PRRC2C: variants seen among roughly 807,000 people sequenced by gnomAD.
The protein encoded by PRRC2C is protein PRRC2C.
A neutral mutation model predicts 317.2 loss-of-function variants in PRRC2C; 72 were observed. That is an observed-to-expected ratio of 0.23 (90% CI 0.19 to 0.28). The LOEUF (loss-of-function observed/expected upper bound fraction) is 0.28. PRRC2C is among the 10% of genes least tolerant of loss of function. The probability of loss-of-function intolerance (pLI) is 1.00; values close to 1 mark genes in which losing one functional copy is unlikely to be tolerated. For missense variants in PRRC2C, 3,074 were observed against 3,459.7 expected, an observed-to-expected ratio of 0.89 and a Z score of 2.80; for synonymous variants, 1,296 against 1,205.9, an observed-to-expected ratio of 1.07 and a Z score of -1.55.
At chr1:171,490,383 T>G (rs1666902160) in intron 1 of PRRC2C, among the ~76,000 whole-genome samples, 1 of 152,214 alleles carries the variant, frequency 6.6e-6, no homozygotes, top group Non-Finnish European at 1.5e-5. Flanking sequence ...AAATGAATAC[T>G]GGATAGGATC....
chr1:171,541,703 C>G lies in PRRC2C; in HGVS notation c.4237C>G (p.Arg1413Gly), dbSNP rs1202873306. 2 of 1,613,772 alleles carry G rather than the reference C, an allele frequency of 1.2e-6. No homozygotes were observed. Among genetic ancestry groups the G allele is most frequent in the East Asian group, 2.2e-5 (1 of 44,864 alleles). The change falls in exon 16 of 35, where the codon CGA (arginine) becomes GGA (glycine). Residue 1413 changes from arginine to glycine, a missense_variant. By Grantham distance (125) the Arg-to-Gly change is moderately radical. Around this residue, in one of 11 missense-constraint regions of PRRC2C, gnomAD observed 1,320 missense variants for 1,395.7 expected, o/e 0.95. Transcript: ENST00000647382. This position sits in a 1 kb window ranked among gnomAD's most constrained non-coding sequence, Gnocchi z 4.1. The part of the protein sequence containing the change: ...AADKRPPKFE[R>G]KFDPARERPR... Reference sequence around the variant, plus strand: ...AGATAAACGACCTCCAAAATTTGAGCGAAAATTTGACCCAGCTAGAGAAAG... The same window carrying G: ...AGATAAACGACCTCCAAAATTTGAGGGAAAATTTGACCCAGCTAGAGAAAG...
intron 13 of PRRC2C, 143 bp downstream of exon 13, chr1:171,535,740 CG>C: frequency 9.0e-7 from 1 of 1,109,928 alleles, no homozygotes; most frequent in Non-Finnish European, 1.3e-6. Context: ...TAAAAGTTAA[CG>C]TGGGTTTTAC....
chr1:171,491,743 A>G (rs1454059782), intron 1 of PRRC2C, among the ~76,000 whole-genome samples: 1 of 152,218 alleles, frequency 6.6e-6, no homozygotes, highest in Non-Finnish European at 1.5e-5. Context: ...TTATTAATCA[A>G]GAAACTATAT....
In PRRC2C at chr1:171,532,419, A is replaced by G. The variant is rs1429411992; in HGVS notation, c.1331A>G (p.Asp444Gly). The G allele has an allele frequency of 4.3e-6, 7 of 1,614,020 alleles. No homozygotes were observed. The highest frequency in any genetic ancestry group is 5.9e-6 in the Non-Finnish European group (7 of 1,179,898). ...TCCAAGCAGCAAGTAGCTGATGAAG[A>G]TGAAATATGGAAGCAAAGACGAAGA... is the stretch of plus-strand genomic sequence containing the variant. ...FPSKQQVADE[D>G]EIWKQRRRQQ... The change falls in exon 12 of 35, where the codon GAT (aspartate) becomes GGT (glycine). Residue 444 changes from aspartate (D) to glycine (G), a missense_variant. Asp to Gly is a moderately conservative substitution (Grantham distance 94, BLOSUM62 -1). Around this residue, in one of 11 missense-constraint regions of PRRC2C, gnomAD observed 1,320 missense variants for 1,395.7 expected, o/e 0.95. Transcript: ENST00000647382.
chr1:171,507,333 G>A (rs150472924), intron 1 of PRRC2C, among the ~76,000 whole-genome samples: 1 of 152,330 alleles, frequency 6.6e-6, no homozygotes, highest in East Asian at 1.9e-4. Context: ...TACCTGGGTT[G>A]GGTGCAGTGG....
intron 27 of PRRC2C, 108 bp downstream of exon 27, chr1:171,579,574 C>T (rs1352324332): frequency 4.2e-6 from 6 of 1,433,678 alleles, no homozygotes; most frequent in Non-Finnish European, 2.7e-6. Flanking sequence ...AAGCTACCCA[C>T]GATTAGCTTG....
intron 33 of PRRC2C, 126 bp downstream of exon 33, chr1:171,588,631 A>AT: frequency 9.5e-7 from 1 of 1,050,920 alleles, no homozygotes; most frequent in East Asian, 2.7e-5. Flanking sequence ...TTGTTTCTGA[A>AT]TTTAACAATA....
In PRRC2C at chr1:171,588,372, T is replaced by C; in HGVS notation, c.8073-7T>C. 1.2e-6 allele frequency: 2 copies of C among 1,613,378 alleles called. No individual in the cohort carries two copies. The highest frequency in any genetic ancestry group is 4.5e-5 in the East Asian group (2 of 44,860). On this transcript the variant is annotated splice_polypyrimidine_tract_variant and splice_region_variant and intron_variant, in intron 32 of 34. Transcript: ENST00000647382. ...ACTATACTGACTAGTAATGGCTTCT[T>C]TCCAAGGGCTACTTCTACAAGTCCG...
Position 171,566,224 on chromosome 1 carries a change from T to C in PRRC2C, c.6118-9T>C. 6.3e-7 allele frequency: 1 copy of C among 1,599,938 alleles called. No individual in the cohort carries two copies. On this transcript the variant is annotated splice_polypyrimidine_tract_variant and intron_variant, in intron 20 of 34. Coordinates refer to ENST00000647382, the MANE Select transcript of PRRC2C (RefSeq NM_001387844.1). ...TTTGCAAGCAAGTTTTAAAATATTC[T>C]TTTACTAGGGAGCGAAGAATGGTCA...
chr1:171,535,084 G>A (rs1436235911), intron 12 of PRRC2C, among the ~76,000 whole-genome samples: 3 of 151,342 alleles, frequency 2.0e-5, no homozygotes, highest in African/African-American at 7.3e-5. Context: ...TGAACTACCA[G>A]TAAATACTGA....
At chr1:171,487,860 T>A (rs1316814946) in intron 1 of PRRC2C, among the ~76,000 whole-genome samples, 1 of 152,182 alleles carries the variant, frequency 6.6e-6, no homozygotes, top group Admixed American at 6.5e-5. Flanking sequence ...TGTATATATT[T>A]CTTTAGGTAC....
chr1:171,513,193 G>T, intron 3 of PRRC2C, 21 bp downstream of exon 3: 1 of 1,591,870 alleles, frequency 6.3e-7, no homozygotes, highest in South Asian at 1.1e-5. Flanking sequence ...GTCTGTTAAA[G>T]AATGAAGCCC....
rs924450341 is a variant in PRRC2C at position 171,592,700 on chromosome 1, GTTTT to G, written c.*857_*860del. 6.6e-6 allele frequency: 1 copy of G among 151,872 alleles called. No homozygotes were observed. The highest frequency in any genetic ancestry group is 2.4e-5 in the African/African-American group (1 of 41,330). The allele number at this position is 151,872 out of a possible 1,614,324, so 9.4% of individuals were successfully genotyped here. ...TTTGTATGAATCCCATGATTTGGGG[GTTTT>G]TTTCTTTTTTTTTTTATACCAGTTT... On this transcript the variant is annotated 3_prime_UTR_variant, in exon 35 of 35. Coordinates refer to ENST00000647382, the MANE Select transcript of PRRC2C (RefSeq NM_001387844.1).
At chr1:171,568,159 T>G in intron 22 of PRRC2C, 88 bp from the exon 23 acceptor site, 1 of 1,450,196 alleles carries the variant, frequency 6.9e-7, no homozygotes, top group Non-Finnish European at 9.1e-7. Context: ...CACTCCAGCC[T>G]GCATGATAGC....
chr1:171,555,980 G>A (rs1681296965), intron 18 of PRRC2C, among the ~76,000 whole-genome samples: 1 of 152,194 alleles, frequency 6.6e-6, no homozygotes, highest in African/African-American at 2.4e-5. Context: ...TTTTAAGTTT[G>A]CAGAAGTTTC....
Position 171,591,957 on chromosome 1 carries a change from T to G in PRRC2C, c.*110T>G. 7.2e-7 allele frequency: 1 copy of G among 1,392,162 alleles called. No homozygotes were observed. The highest frequency in any genetic ancestry group is 9.8e-7 in the Non-Finnish European group (1 of 1,020,684). 86.2% of individuals were successfully genotyped at this position (1,392,162 alleles called of 1,614,324 possible). A position where few individuals can be genotyped will look rare whatever the true frequency, so the allele number is the denominator to read the frequency against. ...AAAATGGCCTGTGACATTATCCTGT[T>G]CAGAGCTTGGAGATGTACAAGGGAC... On this transcript the variant is annotated 3_prime_UTR_variant, in exon 35 of 35. Transcript: ENST00000647382.
intron 26 of PRRC2C, among the ~76,000 whole-genome samples, chr1:171,577,897 C>T (rs145297061): frequency 0.13 from 18,829 of 148,692 alleles, 1,497 homozygotes; most frequent in South Asian, 0.35. Context: ...CTCACCTCAG[C>T]CTCCCAAGTA....
rs139654580 is a variant in PRRC2C at position 171,509,143 on chromosome 1, C to G, written c.-57-2889C>G. ...CTCACGATCCACCTGCCTCAGCCCC[C>G]CAAAGTGCTGGGATTACAGGCCAAA... On this transcript the variant is annotated intron_variant, in intron 1 of 34. Coordinates refer to ENST00000647382, the MANE Select transcript of PRRC2C (RefSeq NM_001387844.1). Among the ~76,000 whole-genome samples, 506 of 152,316 alleles carry G rather than the reference C, an allele frequency of 3.3e-3. 1 individual carries two copies. Among genetic ancestry groups the G allele is most frequent in the African/African-American group, 0.011 (476 of 41,554 alleles).
chr1:171,551,746 A>T (rs541809172), intron 18 of PRRC2C, among the ~76,000 whole-genome samples: 50 of 152,240 alleles, frequency 3.3e-4, no homozygotes, highest in African/African-American at 1.2e-3. Flanking sequence ...TGTTTTTGTC[A>T]GGTTTGCCAA....
Sources: allele counts gnomAD v4.1 joint callset (sites outside exome capture counted in the v4.1 genomes callset), GRCh38; gene constraint gnomAD v4.1.1; regional missense constraint gnomAD v4.1.1; non-coding constraint Gnocchi (gnomAD v3.1); transcripts MANE v1.5; gene names NCBI Gene and HGNC (gene_info 2026-07-23, HGNC 2026-07-21).